Variants in CNTN1 observed in about 807,000 individuals in gnomAD.
CNTN1 encodes contactin-1.
A neutral mutation model predicts 126.4 loss-of-function variants in CNTN1; 38 were observed. The ratio of observed to expected loss-of-function variants is 0.30; its 90% CI spans 0.23 to 0.39. The LOEUF is 0.39. Ranked by LOEUF, CNTN1 falls within the 10% of genes least tolerant of loss-of-function variation. The pLI, the probability that CNTN1 is intolerant of heterozygous loss-of-function variation, is 1.00. For synonymous variants in CNTN1, 413 were observed against 422.6 expected (o/e 0.98, Z 0.28); for missense variants, 1,009 against 1,248.4 (o/e 0.81, Z 2.89).
At chr12:40,706,399 C>T (rs1941742444) in intron 1 of CNTN1, among the ~76,000 whole-genome samples, 2 of 152,010 alleles carry the variant, frequency 1.3e-5, no homozygotes, top group African/African-American at 4.8e-5. Context: ...TTCTCCCAGG[C>T]AGATCGACAC....
intron 1 of CNTN1, among the ~76,000 whole-genome samples, chr12:40,795,318 C>T (rs1437671397): frequency 1.2e-4 from 1 of 8,584 alleles, no homozygotes; most frequent in Non-Finnish European, 3.4e-4. Context: ...CACACACACA[C>T]ATTTTTTTTT....
At chr12:40,926,132 A>G (rs1360839773) in intron 6 of CNTN1, among the ~76,000 whole-genome samples, 1 of 151,416 alleles carries the variant, frequency 6.6e-6, no homozygotes, top group Non-Finnish European at 1.5e-5. Context: ...AATAAGATAA[A>G]TGGCTAAAAG....
intron 1 of CNTN1, among the ~76,000 whole-genome samples, chr12:40,838,419 A>G (rs1368162080): frequency 1.3e-5 from 2 of 152,124 alleles, no homozygotes; most frequent in African/African-American, 4.8e-5. Context: ...CTGAACACCC[A>G]CTTGGCCTAC....
intron 1 of CNTN1, among the ~76,000 whole-genome samples, chr12:40,720,121 G>A (rs1406532325): frequency 1.1e-5 from 1 of 88,688 alleles, no homozygotes; most frequent in African/African-American, 3.4e-5. Flanking sequence ...AAAGTGCTGG[G>A]ATTACAGGCA....
intron 1 of CNTN1, among the ~76,000 whole-genome samples, chr12:40,835,058 A>G (rs1401349342): frequency 6.6e-6 from 1 of 152,182 alleles, no homozygotes; most frequent in Non-Finnish European, 1.5e-5. Context: ...CAAAAAAGAG[A>G]ATTTACCAGA....
chr12:40,694,789 A>G (rs1478050924), intron 1 of CNTN1, among the ~76,000 whole-genome samples: 1 of 152,208 alleles, frequency 6.6e-6, no homozygotes, highest in African/African-American at 2.4e-5. Context: ...TTGGAGCAAG[A>G]TAATTAAACT....
chr12:40,774,552 T>A (rs762037947), intron 1 of CNTN1, among the ~76,000 whole-genome samples: 2 of 151,670 alleles, frequency 1.3e-5, no homozygotes, highest in Non-Finnish European at 3.0e-5. Flanking sequence ...TAATGGTGAT[T>A]GTCAACTTTC....
At chr12:41,047,208 C>G (rs1232337017) in intron 23 of CNTN1, among the ~76,000 whole-genome samples, 1 of 152,116 alleles carries the variant, frequency 6.6e-6, no homozygotes, top group African/African-American at 2.4e-5. Flanking sequence ...TGACAGTCAC[C>G]TACAGAAACC....
intron 1 of CNTN1, among the ~76,000 whole-genome samples, chr12:40,719,543 G>T (rs1445757787): frequency 6.6e-6 from 1 of 152,176 alleles, no homozygotes; most frequent in Non-Finnish European, 1.5e-5. Flanking sequence ...TGAAAAAAGA[G>T]AATCTATCTT....
At chr12:40,754,688 T>C (rs990594461) in intron 1 of CNTN1, among the ~76,000 whole-genome samples, 3 of 152,052 alleles carry the variant, frequency 2.0e-5, no homozygotes, top group Non-Finnish European at 4.4e-5. Context: ...TTTCTAGTAT[T>C]TATGTTGCAA....
chr12:40,976,099 TTGTTC>T (rs1947663179), intron 15 of CNTN1, among the ~76,000 whole-genome samples: 1 of 152,206 alleles, frequency 6.6e-6, no homozygotes, highest in African/African-American at 2.4e-5. Flanking sequence ...CTCCTCCATA[TTGTTC>T]TTTTTCTCCT....
chr12:41,033,282 T>C (rs1205743209), intron 23 of CNTN1, among the ~76,000 whole-genome samples: 1 of 152,192 alleles, frequency 6.6e-6, no homozygotes, highest in African/African-American at 2.4e-5. Flanking sequence ...AATTCTATAT[T>C]ATCCTTCAAA....
Position 40,933,815 on chromosome 12 carries a change from T to TATGAATGTGAGGCTGAGAA in CNTN1, c.923_941dup (p.Asn314LysfsTer2). The TATGAATGTGAGGCTGAGAA allele has an allele frequency of 6.2e-7, 1 of 1,612,694 alleles. No individual in the cohort carries two copies. The highest frequency in any genetic ancestry group is 1.1e-5 in the South Asian group (1 of 91,064). ...TATTCAGCTAGAAGATGAAGGCATC[T>TATGAATGTGAGGCTGAGAA]ATGAATGTGAGGCTGAGAACATTAG... On this transcript the variant is annotated frameshift_variant, in exon 9 of 24. Coordinates refer to ENST00000551295, the MANE Select transcript of CNTN1 (RefSeq NM_001843.4). LOFTEE classifies it high-confidence loss of function.
At chr12:40,869,941 C>G (rs1011737927) in intron 1 of CNTN1, among the ~76,000 whole-genome samples, 1 of 152,106 alleles carries the variant, frequency 6.6e-6, no homozygotes, top group African/African-American at 2.4e-5. Context: ...TCCCATAATT[C>G]CCACGTGTTG....
At chr12:40,922,911 C>T (rs573582128) in intron 5 of CNTN1, among the ~76,000 whole-genome samples, 20 of 143,814 alleles carry the variant, frequency 1.4e-4, no homozygotes, top group African/African-American at 5.0e-4. Context: ...GCGGAGGTTG[C>T]AGTAAGCCGA....
intron 1 of CNTN1, among the ~76,000 whole-genome samples, chr12:40,763,821 A>G (rs1438874311): frequency 1.3e-5 from 2 of 152,184 alleles, no homozygotes; most frequent in African/African-American, 4.8e-5. Context: ...TTGGCTTCTA[A>G]GTACACTTAT....
At chr12:40,812,374 T>C (rs967786258) in intron 1 of CNTN1, among the ~76,000 whole-genome samples, 26 of 152,154 alleles carry the variant, frequency 1.7e-4, no homozygotes, top group African/African-American at 6.0e-4. Flanking sequence ...TGGAATGTTC[T>C]GTGTATGTCT....
intron 1 of CNTN1, among the ~76,000 whole-genome samples, chr12:40,831,108 G>A (rs1220124929): frequency 1.4e-5 from 2 of 143,190 alleles, no homozygotes; most frequent in African/African-American, 5.1e-5. Flanking sequence ...TACATATATA[G>A]TATACTATAT....
intron 1 of CNTN1, among the ~76,000 whole-genome samples, chr12:40,696,656 G>A (rs1941459285): frequency 6.6e-6 from 1 of 152,164 alleles, no homozygotes; most frequent in African/African-American, 2.4e-5. Flanking sequence ...TGTGACCTTG[G>A]AAATGTAGCA....
Sources: allele counts gnomAD v4.1 joint callset (sites outside exome capture counted in the v4.1 genomes callset), GRCh38; gene constraint gnomAD v4.1.1; transcripts MANE v1.5; gene names NCBI Gene and HGNC (gene_info 2026-07-23, HGNC 2026-07-21).